PDCD10: variants seen among roughly 807,000 people sequenced by gnomAD.
The protein encoded by PDCD10 is programmed cell death 10.
In PDCD10, 4 loss-of-function variants were observed where a neutral mutation model predicts 29.2. The ratio of observed to expected loss-of-function variants is 0.14; its 90% CI spans 0.07 to 0.31. The LOEUF (loss-of-function observed/expected upper bound fraction) is 0.31. Among genes scored for constraint, PDCD10 ranks in the 10% least tolerant of loss-of-function variants. The probability of loss-of-function intolerance (pLI) is 1.00; values close to 1 mark genes in which losing one functional copy is unlikely to be tolerated. For synonymous variants in PDCD10, 70 were observed against 82.2 expected (o/e 0.85, Z 0.80); for missense variants, 183 against 257.9 (o/e 0.71, Z 1.99).
At chr3:167,708,938 G>T (rs1722264184) in intron 3 of PDCD10, among the ~76,000 whole-genome samples, 1 of 152,024 alleles carries the variant, frequency 6.6e-6, no homozygotes, top group Non-Finnish European at 1.5e-5. Flanking sequence ...TGTTGAGATA[G>T]TGAAGTACAC....
chr3:167,706,889 T>C (rs1021466468), intron 3 of PDCD10, among the ~76,000 whole-genome samples: 1 of 152,248 alleles, frequency 6.6e-6, no homozygotes, highest in Non-Finnish European at 1.5e-5. Flanking sequence ...GGTAGCAAAA[T>C]ATGTTATCTT....
At chr3:167,687,029 A>G (rs1719696043) in intron 8 of PDCD10, among the ~76,000 whole-genome samples, 1 of 152,194 alleles carries the variant, frequency 6.6e-6, no homozygotes, top group African/African-American at 2.4e-5. Flanking sequence ...TCTTTTCAGA[A>G]AGCGTCTGAT....
chr3:167,684,159 T>C lies in PDCD10; in HGVS notation c.*149A>G, dbSNP rs915125501. 2.7e-5 allele frequency: 16 copies of C among 599,858 alleles called. No homozygotes were observed. The highest frequency in any genetic ancestry group is 4.6e-5 in the Non-Finnish European group (15 of 327,874). 37.2% of individuals were successfully genotyped at this position (599,858 alleles called of 1,614,324 possible). On this transcript the variant is annotated 3_prime_UTR_variant, in exon 9 of 9. Coordinates refer to ENST00000392750, the MANE Select transcript of PDCD10 (RefSeq NM_007217.4). ...GATTAAGCTACATTTTACAAAAATA[T>C]GGTGTAAGATGGCAATAATCCCATT... is the stretch of plus-strand genomic sequence containing the variant.
Position 167,684,364 on chromosome 3 carries a change from T to C in PDCD10, c.583A>G (p.Asn195Asp), listed in dbSNP as rs1162000791. ...GKAINVFVSA[N>D]RLIHQTNLIL... ...AAGTTGGTTTGATGAATTAGTCGGT[T>C]GGCACTTACGAACACATTTATTGCC... Residue 195 changes from asparagine to aspartate, a missense_variant, in exon 9 of 9, where the codon AAC becomes GAC. Asn to Asp is a conservative substitution (Grantham distance 23). Coordinates refer to ENST00000392750, the MANE Select transcript of PDCD10 (RefSeq NM_007217.4). 1 of 1,607,018 alleles carries C rather than the reference T, an allele frequency of 6.2e-7. No homozygotes were observed. Among genetic ancestry groups the C allele is most frequent in the Non-Finnish European group, 8.5e-7 (1 of 1,173,884 alleles).
intron 2 of PDCD10, among the ~76,000 whole-genome samples, chr3:167,732,191 G>A (rs1031418151): frequency 2.0e-4 from 30 of 152,100 alleles, no homozygotes; most frequent in African/African-American, 7.0e-4. Flanking sequence ...AGAAGATCTC[G>A]ATTTTGTCTT....
At chr3:167,695,226 G>A (rs760310183) in intron 6 of PDCD10, among the ~76,000 whole-genome samples, 2 of 152,148 alleles carry the variant, frequency 1.3e-5, no homozygotes, top group Admixed American at 6.5e-5. Context: ...CTAAGAGTAC[G>A]TTACTTACCT....
intron 3 of PDCD10, among the ~76,000 whole-genome samples, chr3:167,705,996 A>G (rs1577345019): frequency 6.6e-6 from 1 of 152,198 alleles, no homozygotes; most frequent in Admixed American, 6.5e-5. Context: ...TTCCTTACTT[A>G]GGTTTACACC....
At chr3:167,710,992 C>T (rs1722466423) in intron 3 of PDCD10, among the ~76,000 whole-genome samples, 1 of 152,180 alleles carries the variant, frequency 6.6e-6, no homozygotes, top group South Asian at 2.1e-4. Context: ...AGAACCACAG[C>T]ATTATTGAGC....
intron 3 of PDCD10, among the ~76,000 whole-genome samples, chr3:167,717,016 G>A (rs1163319566): frequency 2.0e-5 from 3 of 151,852 alleles, no homozygotes; most frequent in Non-Finnish European, 4.4e-5. Flanking sequence ...CATGAAATTA[G>A]GTTTCCAGAA....
rs1371754214 is a variant in PDCD10, at chr3:167,687,276, T to C, written c.515A>G (p.Lys172Arg). The C allele has an allele frequency of 5.0e-6, 8 of 1,591,516 alleles. No homozygotes were observed. The highest frequency in any genetic ancestry group is 6.9e-6 in the Non-Finnish European group (8 of 1,159,994). ...HQKKEFVKYSKSFSDTLKTYF... is the reference protein window; with the variant it reads ...HQKKEFVKYSRSFSDTLKTYF... ...CGTTTTCAGAGTATCACTGAAACTT[T>C]TGGAGTACTTTACAAATTCTTTCTT... is the stretch of plus-strand genomic sequence containing the variant. The change falls in exon 8 of 9, where the codon AAA (lysine) becomes AGA (arginine). Residue 172 changes from lysine to arginine, a missense_variant. Transcript: ENST00000392750.
At chr3:167,707,363 T>C (rs1722080149) in intron 3 of PDCD10, among the ~76,000 whole-genome samples, 1 of 151,714 alleles carries the variant, frequency 6.6e-6, no homozygotes. Context: ...ATAACGTCTT[T>C]GGCTAGGGTA....
At chr3:167,705,678 A>C (rs562502600) in intron 3 of PDCD10, among the ~76,000 whole-genome samples, 1 of 152,238 alleles carries the variant, frequency 6.6e-6, no homozygotes, top group Non-Finnish European at 1.5e-5. Flanking sequence ...TGAACCATTT[A>C]GCTTAATATT....
rs531925588 is a variant in PDCD10 at position 167,721,797 on chromosome 3, G to A, written c.-116-1524C>T. On this transcript the variant is annotated intron_variant, in intron 2 of 8. Coordinates refer to ENST00000392750, the MANE Select transcript of PDCD10 (RefSeq NM_007217.4). Reference sequence around the variant, plus strand: ...GGCGAATTCCTGAATTTCATTCTATGGGGAAAAAGAATACCATTACCTGAT... The same window carrying A: ...GGCGAATTCCTGAATTTCATTCTATAGGGAAAAAGAATACCATTACCTGAT... Among the ~76,000 whole-genome samples the A allele has an allele frequency of 2.0e-5, 3 of 152,248 alleles. No homozygotes were observed. The East Asian group carries it at 5.8e-4, about 29-fold the overall frequency.
chr3:167,708,293 C>T (rs1430573738), intron 3 of PDCD10, among the ~76,000 whole-genome samples: 4 of 150,864 alleles, frequency 2.7e-5, no homozygotes, highest in East Asian at 1.9e-4. Flanking sequence ...GCCATTTAGC[C>T]CTTTGGTTAC....
At chr3:167,715,745 C>G (rs1453260208) in intron 3 of PDCD10, among the ~76,000 whole-genome samples, 2 of 151,680 alleles carry the variant, frequency 1.3e-5, no homozygotes, top group African/African-American at 4.8e-5. Flanking sequence ...GGCTTTTAAC[C>G]AAAAGACAAG....
At chr3:167,707,094 C>T (rs1041591636) in intron 3 of PDCD10, among the ~76,000 whole-genome samples, 6 of 152,118 alleles carry the variant, frequency 3.9e-5, no homozygotes, top group Non-Finnish European at 7.4e-5. Context: ...ACATGTACAA[C>T]GTGAAGCAGC....
In PDCD10 at chr3:167,684,238, C is replaced by G; in HGVS notation, c.*70G>C. 1 of 873,958 alleles carries G rather than the reference C, an allele frequency of 1.1e-6. No individual in the cohort carries two copies. Among genetic ancestry groups the G allele is most frequent in the South Asian group, 1.3e-5 (1 of 75,598 alleles). The allele number at this position is 873,958 out of a possible 1,614,324, so 54.1% of individuals were successfully genotyped here. A position where few individuals can be genotyped will look rare whatever the true frequency, so the allele number is the denominator to read the frequency against. ...GGGACTGATAATTTATACAGTCAAA[C>G]TTTAAAATTTACAGATAAAGGCAGT... On this transcript the variant is annotated 3_prime_UTR_variant, in exon 9 of 9. Coordinates refer to ENST00000392750, the MANE Select transcript of PDCD10 (RefSeq NM_007217.4).
At chr3:167,723,312 CTGAG>C (rs1358964250) in intron 2 of PDCD10, among the ~76,000 whole-genome samples, 1 of 152,206 alleles carries the variant, frequency 6.6e-6, no homozygotes, top group African/African-American at 2.4e-5. Flanking sequence ...GTTGGCTGAG[CTGAG>C]TGAGGTCTGA....
At chr3:167,717,625 C>T (rs563581514) in intron 3 of PDCD10, among the ~76,000 whole-genome samples, 149 of 151,824 alleles carry the variant, frequency 9.8e-4, no homozygotes, top group African/African-American at 3.4e-3. Context: ...AATAATAATC[C>T]TAGTATTTCA....
Sources: allele counts gnomAD v4.1 joint callset (sites outside exome capture counted in the v4.1 genomes callset), GRCh38; gene constraint gnomAD v4.1.1; transcripts MANE v1.5; gene names NCBI Gene and HGNC (gene_info 2026-07-23, HGNC 2026-07-21).